RP1: variants seen among roughly 807,000 people sequenced by gnomAD.
RP1 encodes oxygen-regulated protein 1.
In RP1, 16 loss-of-function variants were observed where a neutral mutation model predicts 14.8. The observed-to-expected ratio is 1.08, with a 90% confidence interval of 0.73 to 1.65. RP1 has a LOEUF of 1.65. Ranked by LOEUF, RP1 falls within the 40% of genes most tolerant of loss-of-function variation. The pLI, the probability that RP1 is intolerant of heterozygous loss-of-function variation, is 0.00. For synonymous variants in RP1, 876 were observed against 883.6 expected (o/e 0.99, Z 0.15); for missense variants, 2,631 against 2,535.0 (o/e 1.04, Z -0.81).
At chr8:54,606,476 T>A (rs1223719316) in intron 1 of RP1, among the ~76,000 whole-genome samples, 1 of 152,112 alleles carries the variant, frequency 6.6e-6, no homozygotes, top group African/African-American at 2.4e-5. Context: ...GCCCTTAACA[T>A]TTATTCCTTC....
intron 28 of RP1, among the ~76,000 whole-genome samples, chr8:54,867,757 T>C (rs1812491327): frequency 6.6e-6 from 1 of 152,204 alleles, no homozygotes; most frequent in Non-Finnish European, 1.5e-5. Flanking sequence ...CTCAAATAAT[T>C]GACTAAGTTT....
In RP1 at chr8:54,856,282, C is replaced by T. The variant is rs934044274; in HGVS notation, c.3991-746C>T. ...TGCTAAAAGTCAAGATAGTGGATAT[C>T]GTTTGGGGAGACAGTGACTGAGAGG... On this transcript the variant is annotated intron_variant, in intron 26 of 28. Transcript: ENST00000637698. Among the ~76,000 whole-genome samples the T allele has an allele frequency of 4.6e-5, 7 of 151,944 alleles. No individual in the cohort carries two copies. In the South Asian group the frequency reaches 8.3e-4, roughly 18 times the overall value.
chr8:54,629,759 A>G lies in RP1; in HGVS notation c.5877A>G (p.Leu1959=), dbSNP rs1806197282. The G allele has an allele frequency of 1.9e-6, 3 of 1,609,268 alleles. No homozygotes were observed. Among genetic ancestry groups the G allele is most frequent in the Non-Finnish European group, 2.5e-6 (3 of 1,177,730 alleles). The change falls in exon 4 of 4, where the codon TTA becomes TTG. Residue 1959 remains leucine (L), a synonymous_variant. Coordinates refer to ENST00000220676, the MANE Select transcript of RP1 (RefSeq NM_006269.2). ...FYLWMKIHPY[L]LQTDKNVFRE... ...TATGGATGAAAATACACCCATATTT[A>G]CTTCAGACAGACAAAAATGTGTTCA... is the stretch of plus-strand genomic sequence containing the variant.
At chr8:54,661,425 G>T (rs1379422001) in intron 6 of RP1, among the ~76,000 whole-genome samples, 3 of 151,240 alleles carry the variant, frequency 2.0e-5, no homozygotes, top group Non-Finnish European at 4.4e-5. Flanking sequence ...GATGCAGTGA[G>T]CCATGATTGT....
At chr8:54,680,080 G>A in intron 12 of RP1, 4 of 1,053,586 alleles carry the variant, frequency 3.8e-6, no homozygotes, top group Non-Finnish European at 5.0e-6. Context: ...TTTACTATCT[G>A]TATTAATAGA....
chr8:54,853,093 G>A (rs1812092796), intron 26 of RP1, among the ~76,000 whole-genome samples: 1 of 152,216 alleles, frequency 6.6e-6, no homozygotes. Flanking sequence ...GAAATAAAGT[G>A]CAGAGGAGAA....
chr8:54,636,663 G>A (rs113488965), intron 3 of RP1, among the ~76,000 whole-genome samples: 3 of 152,180 alleles, frequency 2.0e-5, no homozygotes, highest in East Asian at 3.9e-4. Flanking sequence ...TCTTGAACCC[G>A]GTAGGTGGAG....
chr8:54,635,588 C>T (rs1221558261), downstream of RP1, among the ~76,000 whole-genome samples: 1 of 151,982 alleles, frequency 6.6e-6, no homozygotes, highest in Non-Finnish European at 1.5e-5. Flanking sequence ...TAGTTGCTGC[C>T]TCAGCATCCA....
chr8:54,851,392 T>A (rs1812058549), intron 25 of RP1, among the ~76,000 whole-genome samples: 1 of 152,238 alleles, frequency 6.6e-6, no homozygotes, highest in African/African-American at 2.4e-5. Context: ...GCAAGTTCAC[T>A]CTTCATCTGA....
At chr8:54,636,079 T>C (rs149689835) in intron 3 of RP1, among the ~76,000 whole-genome samples, 219 of 152,332 alleles carry the variant, frequency 1.4e-3, no homozygotes, top group African/African-American at 4.7e-3. Context: ...TAAACACTTA[T>C]GTTTTGCGCA....
intron 24 of RP1, among the ~76,000 whole-genome samples, chr8:54,834,796 A>G (rs539266273): frequency 6.6e-6 from 1 of 151,990 alleles, no homozygotes; most frequent in Non-Finnish European, 1.5e-5. Context: ...CTGAGTTGAA[A>G]GCTATAGTAT....
At position 54,755,671 on chromosome 8, in the gene RP1, G is replaced by A. The variant is rs1224879795; in HGVS notation, c.2994G>A (p.Thr998=). ...CTGGGCAGCTGAAGCATGCAGAGAC[G>A]GAGTCTGAGGTTTTCCTCTGTCTCT... is the stretch of plus-strand genomic sequence containing the variant. Residue 998 remains threonine, a synonymous_variant, in exon 21 of 23, where the codon ACG becomes ACA. Coordinates refer to the RP1 transcript ENST00000636932. 14 of 1,535,936 alleles carry A rather than the reference G, an allele frequency of 9.1e-6. No individual in the cohort carries two copies. The South Asian group carries it at 9.5e-5, about 10-fold the overall frequency.
At chr8:54,766,243 A>T (rs1466177090) in intron 22 of RP1, among the ~76,000 whole-genome samples, 3 of 152,200 alleles carry the variant, frequency 2.0e-5, no homozygotes, top group Admixed American at 1.3e-4. Flanking sequence ...TGAATGATAT[A>T]GATAAAAAAA....
exon 18 of RP1, chr8:54,734,736 G>A (rs1460277117): frequency 6.5e-6 from 10 of 1,530,878 alleles, no homozygotes; most frequent in Admixed American, 2.0e-5. Flanking sequence ...ACACGAGGAT[G>A]AGTTTCAGGT....
At chr8:54,744,223 A>G (rs1375656895) in intron 19 of RP1, among the ~76,000 whole-genome samples, 2 of 152,156 alleles carry the variant, frequency 1.3e-5, no homozygotes, top group Non-Finnish European at 2.9e-5. Context: ...CACATATTAT[A>G]TTAGGTGATG....
At chr8:54,605,570 C>A (rs937050888) in intron 1 of RP1, among the ~76,000 whole-genome samples, 1 of 152,008 alleles carries the variant, frequency 6.6e-6, no homozygotes, top group East Asian at 1.9e-4. Context: ...TGGTGCAGAG[C>A]TGAGTTCAGT....
intron 22 of RP1, among the ~76,000 whole-genome samples, chr8:54,766,545 T>G (rs1585674072): frequency 1.3e-5 from 2 of 152,162 alleles, no homozygotes; most frequent in Non-Finnish European, 2.9e-5. Context: ...GTTCATTTTT[T>G]GGGGATGGGG....
intron 6 of RP1, chr8:54,656,239 A>G: frequency 6.6e-7 from 1 of 1,526,128 alleles, no homozygotes; most frequent in Non-Finnish European, 8.7e-7. Context: ...AACTCCAGGT[A>G]GCATGGATAA....
intron 22 of RP1, among the ~76,000 whole-genome samples, chr8:54,766,927 A>G (rs1455775088): frequency 1.3e-5 from 2 of 152,118 alleles, no homozygotes; most frequent in East Asian, 3.9e-4. Flanking sequence ...CTTTAATATC[A>G]TCACTGCACT....
Sources: gnomAD v4.1 joint callset for allele counts (sites outside exome capture counted in the v4.1 genomes callset) on GRCh38, gnomAD v4.1.1 for gene constraint, MANE v1.5 for transcripts, NCBI Gene and HGNC (gene_info 2026-07-23, HGNC 2026-07-21) for gene names.